The following DBN1 variants were observed in gnomAD, a reference collection of about 807,000 sequenced individuals.
The protein encoded by DBN1 is drebrin.
A neutral mutation model predicts 83.5 loss-of-function variants in DBN1; 21 were observed. The ratio of observed to expected loss-of-function variants is 0.25; its 90% CI spans 0.18 to 0.36. DBN1 has a LOEUF of 0.36. Among genes scored for constraint, DBN1 ranks in the 10% least tolerant of loss-of-function variants. The probability of loss-of-function intolerance (pLI) is 1.00; values close to 1 mark genes in which losing one functional copy is unlikely to be tolerated. For synonymous variants in DBN1, 381 were observed against 384.9 expected (o/e 0.99, Z 0.12); for missense variants, 874 against 935.7 (o/e 0.93, Z 0.86).
intron 3 of DBN1, 94 bp downstream of exon 3, chr5:177,468,011 CTCT>C: frequency 2.6e-6 from 2 of 769,656 alleles, no homozygotes; most frequent in South Asian, 3.0e-5. Flanking sequence ...TGATGAGCAG[CTCT>C]GGGCCCTCAG....
chr5:177,463,327 G>A (rs1367369756), intron 8 of DBN1, among the ~76,000 whole-genome samples: 1 of 152,184 alleles, frequency 6.6e-6, no homozygotes, highest in African/African-American at 2.4e-5. Context: ...ATGAGCCACT[G>A]AGCCCAGCCC....
At position 177,467,964 on chromosome 5, in the gene DBN1, T is replaced by C. The variant is rs11746683; in HGVS notation, c.255+144A>G. 774 of 1,275,804 alleles carry C rather than the reference T, an allele frequency of 6.1e-4. 13 individuals are homozygous for C. The highest frequency in any genetic ancestry group is 5.0e-4 in the Non-Finnish European group (440 of 888,024). The allele number at this position is 1,275,804 out of a possible 1,614,324, so 79.0% of individuals were successfully genotyped here. A position where few individuals can be genotyped will look rare whatever the true frequency, so the allele number is the denominator to read the frequency against. Reference sequence around the variant, plus strand: ...ACGGGGAGGGCGACTGCTCTGGGCCTTCAGTTCCCTTCCCCAGCCCCGGCC... The same window carrying C: ...ACGGGGAGGGCGACTGCTCTGGGCCCTCAGTTCCCTTCCCCAGCCCCGGCC... On this transcript the variant is annotated intron_variant, in intron 3 of 14. Transcript: ENST00000393565. This position sits in a 1 kb window ranked among gnomAD's most constrained non-coding sequence, Gnocchi z 9.1.
Position 177,467,483 on chromosome 5 carries a change from C to A in DBN1, c.475G>T (p.Val159Leu). The change falls in exon 5 of 15, where the codon GTG (valine) becomes TTG (leucine). Residue 159 changes from valine (V) to leucine (L), a missense_variant and splice_region_variant. By Grantham distance (32) the Val-to-Leu change is conservative. Transcript: ENST00000393565. The surrounding 1 kb of genome is among the most constrained non-coding windows in gnomAD (Gnocchi z 9.1). ...RLREDENAEP[V>L]GTTYQKTDAA... The stretch of plus-strand genomic sequence containing the variant: ...ACGGGTGCCAAACACACACTAACCA[C>A]GGGCTCTGCGTTCTCATCCTCTCGC... The A allele has an allele frequency of 6.3e-7, 1 of 1,594,672 alleles. No individual in the cohort carries two copies.
intron 8 of DBN1, among the ~76,000 whole-genome samples, chr5:177,463,441 T>C (rs923377630): frequency 4.6e-5 from 7 of 152,232 alleles, no homozygotes; most frequent in African/African-American, 1.7e-4. Context: ...TCAAAGCCAC[T>C]GCTGTGCCTA....
At position 177,458,435 on chromosome 5, in the gene DBN1, T is replaced by C. The variant is rs773593137; in HGVS notation, c.1537A>G (p.Asn513Asp). The C allele has an allele frequency of 6.2e-7, 1 of 1,614,160 alleles. No homozygotes were observed. Among genetic ancestry groups the C allele is most frequent in the Admixed American group, 1.7e-5 (1 of 60,024 alleles). The change falls in exon 13 of 15, where the codon AAC becomes GAC. Residue 513 changes from asparagine (N) to aspartate (D), a missense_variant. Asn to Asp is a conservative substitution (Grantham distance 23). Coordinates refer to ENST00000393565, the MANE Select transcript of DBN1 (RefSeq NM_001363541.2). ...TATADTTVAN[N>D]VPPAATSLID... ...AGGCTGGTGGCGGCGGGGGGTACGT[T>C]GTTGGCAACAGTGGTGTCAGCAGTG...
At chr5:177,465,582 G>A (rs1021769442) in intron 8 of DBN1, among the ~76,000 whole-genome samples, 30 of 152,134 alleles carry the variant, frequency 2.0e-4, no homozygotes, top group South Asian at 4.1e-4. Flanking sequence ...GTGGCCAGGC[G>A]CGGTGGCTCA....
In DBN1 at chr5:177,457,368, C is replaced by T; in HGVS notation, c.*65G>A. 3 of 1,412,774 alleles carry T rather than the reference C, an allele frequency of 2.1e-6. No individual in the cohort carries two copies. The highest frequency in any genetic ancestry group is 2.3e-5 in the East Asian group (1 of 43,866). The allele number at this position is 1,412,774 out of a possible 1,614,324, so 87.5% of individuals were successfully genotyped here. ...TGCTGCGAATGCAGGCACGGCGGGC[C>T]GTCTGGCCAGAGGCTGATGCAGGTG... On this transcript the variant is annotated 3_prime_UTR_variant, in exon 15 of 15. Transcript: ENST00000393565.
rs1416637129 is a variant in DBN1 at position 177,460,629 on chromosome 5, GC to G, written c.831+14del. 6.2e-7 allele frequency: 1 copy of G among 1,614,116 alleles called. No homozygotes were observed. Among genetic ancestry groups the G allele is most frequent in the East Asian group, 2.2e-5 (1 of 44,886 alleles). ...GCCCTGTCTGCCTCACCTGGCTGGT[GC>G]CCCCAGCTCTCACCTCCACCTCCGA... is the stretch of plus-strand genomic sequence containing the variant. On this transcript the variant is annotated intron_variant, in intron 9 of 14. Transcript: ENST00000393565.
At chr5:177,472,144 CG>C in intron 1 of DBN1, 1 of 1,612,508 alleles carries the variant, frequency 6.2e-7, no homozygotes, top group Non-Finnish European at 8.5e-7. Context: ...GCTTGTCTCT[CG>C]CGTCCATCCC....
rs370914620 is a variant in DBN1 at position 177,459,887 on chromosome 5, C to G, written c.956-147G>C. 683 of 886,782 alleles carry G rather than the reference C, an allele frequency of 7.7e-4. 2 individuals are homozygous for G. The African/African-American group carries it at 0.01, about 13-fold the overall frequency. 54.9% of individuals were successfully genotyped at this position (886,782 alleles called of 1,614,324 possible). A position where few individuals can be genotyped will look rare whatever the true frequency, so the allele number is the denominator to read the frequency against. On this transcript the variant is annotated intron_variant, in intron 10 of 14. Transcript: ENST00000393565. ...CAGGGGCACAATCAGCCAAGCCAGC[C>G]GCAGCCTCACACCAGCCCCAGACAC...
rs1180284115 is a variant in DBN1 at position 177,467,384 on chromosome 5, C to T, written c.478-52G>A. On this transcript the variant is annotated intron_variant, in intron 5 of 14. Coordinates refer to ENST00000393565, the MANE Select transcript of DBN1 (RefSeq NM_001363541.2). The surrounding 1 kb of genome is among the most constrained non-coding windows in gnomAD (Gnocchi z 9.1). Reference sequence around the variant, plus strand: ...GCAGGCTGAATGCCCCAGGAACCCCCGACACCTAAAGGGTGAGAGCTAAGA... The same window carrying T: ...GCAGGCTGAATGCCCCAGGAACCCCTGACACCTAAAGGGTGAGAGCTAAGA... 5 of 1,613,486 alleles carry T rather than the reference C, an allele frequency of 3.1e-6. No homozygotes were observed. The highest frequency in any genetic ancestry group is 1.3e-5 in the African/African-American group (1 of 74,922).
At position 177,459,647 on chromosome 5, in the gene DBN1, T is replaced by C. The variant is rs761245265; in HGVS notation, c.1049A>G (p.Tyr350Cys). The change falls in exon 11 of 15, where the codon TAT becomes TGT. Residue 350 changes from tyrosine (Y) to cysteine (C), a missense_variant. This residue lies in a region of DBN1 where 725 missense variants were observed against 719.7 expected (regional missense o/e 1.01). Coordinates refer to ENST00000393565, the MANE Select transcript of DBN1 (RefSeq NM_001363541.2). Reference sequence around the variant, plus strand: ...GTTTGGGGTGCGGTGGCAGGTGATATAGGGAAAGGGAGTCCGTGGAGGGGA... The same window carrying C: ...GTTTGGGGTGCGGTGGCAGGTGATACAGGGAAAGGGAGTCCGTGGAGGGGA... ...SSSPPRTPFP[Y>C]ITCHRTPNLS... 5.7e-6 allele frequency: 9 copies of C among 1,579,554 alleles called. No individual in the cohort carries two copies. The highest frequency in any genetic ancestry group is 1.2e-5 in the South Asian group (1 of 86,646).
intron 8 of DBN1, among the ~76,000 whole-genome samples, chr5:177,461,160 G>A (rs1288359837): frequency 3.7e-5 from 5 of 136,314 alleles, no homozygotes; most frequent in African/African-American, 5.6e-5. Context: ...GTGCAGTGGC[G>A]GGATCTCGGC....
chr5:177,471,518 C>T (rs1019543141), intron 1 of DBN1, among the ~76,000 whole-genome samples: 2 of 152,072 alleles, frequency 1.3e-5, no homozygotes, highest in Non-Finnish European at 2.9e-5. Flanking sequence ...CCAAGACACC[C>T]CTCCCTCTGG....
rs369095193 is a variant in DBN1 at position 177,457,770 on chromosome 5, G to A, written c.1915-13C>T. ...ACCCCTCACTGGCCTGCAGGGGAAAGCATCAGGTCACTTGGCCCCACCCAG... is the reference window on the plus strand; with the variant it reads ...ACCCCTCACTGGCCTGCAGGGGAAAACATCAGGTCACTTGGCCCCACCCAG... On this transcript the variant is annotated splice_polypyrimidine_tract_variant and intron_variant, in intron 13 of 14. Transcript: ENST00000393565. The A allele has an allele frequency of 1.3e-6, 2 of 1,562,704 alleles. No individual in the cohort carries two copies. Among genetic ancestry groups the A allele is most frequent in the Non-Finnish European group, 1.8e-6 (2 of 1,135,262 alleles).
Position 177,459,731 on chromosome 5 carries a change from T to TA in DBN1, c.964dup (p.Tyr322LeufsTer65). The TA allele has an allele frequency of 6.6e-7, 1 of 1,522,758 alleles. No individual in the cohort carries two copies. Among genetic ancestry groups the TA allele is most frequent in the Non-Finnish European group, 8.8e-7 (1 of 1,134,348 alleles). 94.3% of individuals were successfully genotyped at this position (1,522,758 alleles called of 1,614,324 possible). On this transcript the variant is annotated frameshift_variant, in exon 11 of 15. Transcript: ENST00000393565. LOFTEE classifies it high-confidence loss of function. ...GTCCGATGCCTTTATGAAAGGGCAG[T>TA]ACGGACGACCTGCCGAGAGAGACAG...
intron 1 of DBN1, 138 bp from the exon 2 acceptor site, chr5:177,469,037 C>T: frequency 2.0e-6 from 1 of 491,056 alleles, no homozygotes. Context: ...GCCATGACAA[C>T]AGGGCCAGGC....
chr5:177,472,146 C>T (rs777358148), intron 1 of DBN1: 21 of 1,612,606 alleles, frequency 1.3e-5, no homozygotes, highest in East Asian at 6.7e-5. Flanking sequence ...TTGTCTCTCG[C>T]GTCCATCCCT....
intron 11 of DBN1, 137 bp downstream of exon 11, chr5:177,459,466 G>A: frequency 5.9e-6 from 8 of 1,344,616 alleles, no homozygotes; most frequent in Non-Finnish European, 7.9e-6. Context: ...ATAAGGCCAG[G>A]GGCAAGAGGC....
Sources: gnomAD v4.1 joint callset for allele counts (sites outside exome capture counted in the v4.1 genomes callset) on GRCh38, gnomAD v4.1.1 for gene constraint, gnomAD v4.1.1 regional missense constraint, Gnocchi (gnomAD v3.1) non-coding constraint, MANE v1.5 for transcripts, NCBI Gene and HGNC (gene_info 2026-07-23, HGNC 2026-07-21) for gene names.